TANGO6: variants seen among roughly 807,000 people sequenced by gnomAD.
TANGO6 encodes transport and golgi organization 6 homolog.
A neutral mutation model predicts 114.2 loss-of-function variants in TANGO6; 90 were observed. The ratio of observed to expected loss-of-function variants is 0.79; its 90% CI spans 0.66 to 0.94. The LOEUF is 0.94. TANGO6 is among the 40% of genes least tolerant of loss of function. TANGO6 has a pLI of 0.00. For missense variants in TANGO6, 1,274 were observed against 1,315.3 expected (o/e 0.97, Z 0.49); for synonymous variants, 477 against 509.8 (o/e 0.94, Z 0.87).
chr16:68,889,307 T>A (rs1380197962), intron 7 of TANGO6, among the ~76,000 whole-genome samples: 1 of 152,210 alleles, frequency 6.6e-6, no homozygotes, highest in African/African-American at 2.4e-5. Flanking sequence ...TGGAGTTGTA[T>A]AGTCTATGAG....
intron 17 of TANGO6, among the ~76,000 whole-genome samples, chr16:69,081,764 C>G (rs1960468493): frequency 6.6e-6 from 1 of 152,042 alleles, no homozygotes; most frequent in Non-Finnish European, 1.5e-5. Context: ...TTTTGACACC[C>G]TCCCAATTCC....
chr16:68,910,716 G>T (rs560365814), intron 11 of TANGO6, among the ~76,000 whole-genome samples: 7 of 152,202 alleles, frequency 4.6e-5, no homozygotes, highest in African/African-American at 1.7e-4. Flanking sequence ...TGTCTCTGTC[G>T]CCCAGGCTGG....
intron 17 of TANGO6, among the ~76,000 whole-genome samples, chr16:69,058,424 C>T (rs1960065992): frequency 6.6e-6 from 1 of 152,196 alleles, no homozygotes; most frequent in African/African-American, 2.4e-5. Flanking sequence ...TTGTGAGAGA[C>T]ATATGCTTAT....
At chr16:68,909,702 C>T (rs1962898316) in intron 11 of TANGO6, 1 of 196,608 alleles carries the variant, frequency 5.1e-6, no homozygotes, top group African/African-American at 2.3e-5. Context: ...AACAAGTTAT[C>T]TGGGATCTTT....
intron 17 of TANGO6, among the ~76,000 whole-genome samples, chr16:69,066,586 C>A (rs558561259): frequency 6.6e-6 from 1 of 152,112 alleles, no homozygotes; most frequent in East Asian, 1.9e-4. Flanking sequence ...CATAAGCCAC[C>A]GCGCCCGGAC....
chr16:68,895,085 G>A (rs1483879278), intron 7 of TANGO6, among the ~76,000 whole-genome samples: 2 of 152,150 alleles, frequency 1.3e-5, no homozygotes, highest in African/African-American at 2.4e-5. Context: ...TTCACCTGCA[G>A]GACTCCTCTT....
chr16:68,846,264 G>A (rs750476857), intron 1 of TANGO6, among the ~76,000 whole-genome samples: 1 of 151,988 alleles, frequency 6.6e-6, no homozygotes. Context: ...GACCTCAGGT[G>A]ATCTGCCTGC....
At chr16:69,080,259 G>A (rs996546691) in intron 17 of TANGO6, among the ~76,000 whole-genome samples, 6 of 152,050 alleles carry the variant, frequency 3.9e-5, no homozygotes, top group Non-Finnish European at 8.8e-5. Flanking sequence ...ACAACAGAGC[G>A]TAGAATATAA....
chr16:69,047,550 C>A (rs2152236264), intron 17 of TANGO6, among the ~76,000 whole-genome samples: 1 of 152,054 alleles, frequency 6.6e-6, no homozygotes, highest in South Asian at 2.1e-4. Context: ...CTTACATTTC[C>A]CCTAGGAGCA....
intron 1 of TANGO6, among the ~76,000 whole-genome samples, chr16:68,855,537 G>A (rs1367305570): frequency 6.6e-6 from 1 of 151,056 alleles, no homozygotes; most frequent in Non-Finnish European, 1.5e-5. Flanking sequence ...AGCCAAGATT[G>A]CACCACTGCA....
At chr16:68,869,465 G>C (rs1962232609) in intron 4 of TANGO6, among the ~76,000 whole-genome samples, 1 of 152,170 alleles carries the variant, frequency 6.6e-6, no homozygotes, top group African/African-American at 2.4e-5. Context: ...GTGGGAGAGC[G>C]ATATCCTGTG....
At chr16:69,017,249 TC>T (rs1959315775) in intron 15 of TANGO6, among the ~76,000 whole-genome samples, 1 of 152,176 alleles carries the variant, frequency 6.6e-6, no homozygotes, top group African/African-American at 2.4e-5. Flanking sequence ...TTTTTCCTCT[TC>T]CCCATTAGGT....
At chr16:69,025,126 G>T (rs370293725) in intron 16 of TANGO6, among the ~76,000 whole-genome samples, 5 of 152,312 alleles carry the variant, frequency 3.3e-5, no homozygotes, top group African/African-American at 1.2e-4. Flanking sequence ...GGGACCTCTG[G>T]CTGGGAATGC....
chr16:69,009,321 T>C (rs774192495), intron 15 of TANGO6, among the ~76,000 whole-genome samples: 20 of 152,044 alleles, frequency 1.3e-4, no homozygotes, highest in Admixed American at 1.0e-3. Context: ...TCTCAGGTGA[T>C]CCACCCACTT....
intron 17 of TANGO6, among the ~76,000 whole-genome samples, chr16:69,064,585 A>T (rs1005370261): frequency 1.3e-5 from 2 of 152,198 alleles, no homozygotes; most frequent in Non-Finnish European, 2.9e-5. Flanking sequence ...TGGTGTCCTC[A>T]TGCATATTGG....
At position 68,868,733 on chromosome 16, in the gene TANGO6, G is replaced by A. The variant is rs776205894; in HGVS notation, c.994+1513G>A. ...AGGATGGTCTTGATCTTCTGACCTC[G>A]TGATCCACCCACCTCGGCCTCCCAA... On this transcript the variant is annotated intron_variant, in intron 4 of 17. Transcript: ENST00000261778. Among the ~76,000 whole-genome samples, 8 of 151,888 alleles carry A rather than the reference G, an allele frequency of 5.3e-5. No individual in the cohort carries two copies. The South Asian group carries it at 6.2e-4, about 12-fold the overall frequency.
intron 17 of TANGO6, among the ~76,000 whole-genome samples, chr16:69,048,918 T>C (rs1959903411): frequency 6.6e-6 from 1 of 152,108 alleles, no homozygotes; most frequent in Admixed American, 6.6e-5. Flanking sequence ...GGGAAGCTGA[T>C]GAACAGCAAA....
At chr16:68,917,358 A>G (rs1480194184) in intron 11 of TANGO6, among the ~76,000 whole-genome samples, 3 of 152,212 alleles carry the variant, frequency 2.0e-5, no homozygotes, top group Admixed American at 6.5e-5. Flanking sequence ...TAGAGCTGCT[A>G]TAAACAACCA....
At chr16:68,851,820 A>C (rs192374749) in intron 1 of TANGO6, among the ~76,000 whole-genome samples, 8 of 152,314 alleles carry the variant, frequency 5.3e-5, no homozygotes, top group Non-Finnish European at 1.2e-4. Flanking sequence ...CAGACTTGCT[A>C]CAGAATGTGT....
Sources: allele counts gnomAD v4.1 joint callset (sites outside exome capture counted in the v4.1 genomes callset), GRCh38; gene constraint gnomAD v4.1.1; transcripts MANE v1.5; gene names NCBI Gene and HGNC (gene_info 2026-07-23, HGNC 2026-07-21).